SPAG16: variants seen among roughly 807,000 people sequenced by gnomAD.
SPAG16 encodes sperm-associated antigen 16 protein.
A neutral mutation model predicts 80.4 loss-of-function variants in SPAG16; 86 were observed. The ratio of observed to expected loss-of-function variants is 1.07; its 90% CI spans 0.90 to 1.28. SPAG16 has a LOEUF of 1.28. Ranked by LOEUF, SPAG16 falls within the 50% of genes most tolerant of loss-of-function variation. SPAG16 has a pLI of 0.00. For synonymous variants in SPAG16, 294 were observed against 265.9 expected (o/e 1.11, Z -1.03); for missense variants, 870 against 765.3 (o/e 1.14, Z -1.61).
At position 214,383,671 on chromosome 2, in the gene SPAG16, G is replaced by A. The variant is rs556947983; in HGVS notation, c.1721-26469G>A. Among the ~76,000 whole-genome samples the A allele has an allele frequency of 2.1e-4, 32 of 152,144 alleles. No individual in the cohort carries two copies. In the South Asian group the frequency reaches 5.6e-3, roughly 27 times the overall value. On this transcript the variant is annotated intron_variant, in intron 15 of 15. Coordinates refer to ENST00000331683, the MANE Select transcript of SPAG16 (RefSeq NM_024532.5). ...AGGTGTTTAGAGGAAAGACCATTCC[G>A]GCCAGACAGAATCTAACTTGTTAAG...
intron 10 of SPAG16, among the ~76,000 whole-genome samples, chr2:213,651,978 G>A (rs1021423244): frequency 2.0e-5 from 3 of 152,024 alleles, no homozygotes; most frequent in East Asian, 1.9e-4. Context: ...TTAGTCTTAC[G>A]TGCATGTAAT....
intron 10 of SPAG16, among the ~76,000 whole-genome samples, chr2:213,832,496 TAGAAAGTAC>T (rs1345858468): frequency 4.6e-5 from 7 of 152,098 alleles, no homozygotes; most frequent in African/African-American, 1.2e-4. Context: ...CTATGGGTCA[TAGAAAGTAC>T]AGTCCCTCTC....
At chr2:213,931,118 A>T (rs1210207146) in intron 12 of SPAG16, among the ~76,000 whole-genome samples, 1 of 152,052 alleles carries the variant, frequency 6.6e-6, no homozygotes, top group Non-Finnish European at 1.5e-5. Flanking sequence ...TTAGTTACTT[A>T]GTTAGCAACT....
At chr2:213,979,458 A>T (rs969727885) in intron 12 of SPAG16, among the ~76,000 whole-genome samples, 1 of 152,064 alleles carries the variant, frequency 6.6e-6, no homozygotes, top group Non-Finnish European at 1.5e-5. Flanking sequence ...ACAGTTCTGC[A>T]TTGCTGGGGA....
At chr2:213,911,778 A>G (rs1310078283) in intron 11 of SPAG16, among the ~76,000 whole-genome samples, 1 of 150,700 alleles carries the variant, frequency 6.6e-6, no homozygotes, top group Non-Finnish European at 1.5e-5. Context: ...ATGAAATTAC[A>G]GTTAAATTAG....
chr2:213,409,730 G>A (rs1303027381), intron 9 of SPAG16, among the ~76,000 whole-genome samples: 1 of 152,050 alleles, frequency 6.6e-6, no homozygotes, highest in Non-Finnish European at 1.5e-5. Context: ...CATACAAGAA[G>A]CATTATCAAA....
chr2:214,013,974 A>G lies in SPAG16; in HGVS notation c.1424A>G (p.Tyr475Cys), dbSNP rs752623191. The G allele has an allele frequency of 1.2e-6, 2 of 1,604,060 alleles. No homozygotes were observed. Among genetic ancestry groups the G allele is most frequent in the South Asian group, 1.1e-5 (1 of 90,940 alleles). ...AGTGAAAGATGCAGATGTACTTTGT[A>G]TGGACATACAGATTCTGTGAACAGC... is the stretch of plus-strand genomic sequence containing the variant. ...VNSERCRCTL[Y>C]GHTDSVNSIE... The change falls in exon 13 of 16, where the codon TAT becomes TGT. Residue 475 changes from tyrosine to cysteine, a missense_variant. Transcript: ENST00000331683.
At chr2:214,338,272 T>C (rs971450716) in intron 15 of SPAG16, among the ~76,000 whole-genome samples, 2 of 152,122 alleles carry the variant, frequency 1.3e-5, no homozygotes, top group Non-Finnish European at 2.9e-5. Flanking sequence ...TCCCAGCACT[T>C]TGGGAGGCTG....
chr2:214,125,912 A>G (rs563084768), intron 14 of SPAG16, among the ~76,000 whole-genome samples: 1 of 151,770 alleles, frequency 6.6e-6, no homozygotes, highest in Admixed American at 6.7e-5. Context: ...AATCACGTAG[A>G]AATGTGATTG....
chr2:213,448,425 G>A (rs903036689), intron 9 of SPAG16, among the ~76,000 whole-genome samples: 1 of 152,166 alleles, frequency 6.6e-6, no homozygotes, highest in Non-Finnish European at 1.5e-5. Flanking sequence ...AGTCTTTCTG[G>A]ACTAAACCCC....
intron 15 of SPAG16, among the ~76,000 whole-genome samples, chr2:214,337,820 A>G (rs911420533): frequency 6.6e-6 from 1 of 152,176 alleles, no homozygotes; most frequent in Non-Finnish European, 1.5e-5. Flanking sequence ...TCTGTCTTTT[A>G]TCTTCTTTTT....
intron 15 of SPAG16, among the ~76,000 whole-genome samples, chr2:214,270,018 T>C (rs1356739844): frequency 1.3e-5 from 2 of 152,196 alleles, no homozygotes; most frequent in African/African-American, 4.8e-5. Context: ...AGGTCCGTTA[T>C]TATCAATATG....
chr2:214,135,632 G>T (rs1401733712), intron 14 of SPAG16, among the ~76,000 whole-genome samples: 1 of 152,060 alleles, frequency 6.6e-6, no homozygotes, highest in African/African-American at 2.4e-5. Context: ...TGAGGGAGGG[G>T]ATGAGTGAGT....
chr2:213,482,155 C>T (rs556447403), intron 9 of SPAG16, among the ~76,000 whole-genome samples: 6 of 152,342 alleles, frequency 3.9e-5, no homozygotes, highest in African/African-American at 1.2e-4. Flanking sequence ...AAGGGAGCTT[C>T]GCTCATCATA....
chr2:213,669,286 A>G (rs544997402), intron 10 of SPAG16, among the ~76,000 whole-genome samples: 2 of 152,336 alleles, frequency 1.3e-5, no homozygotes, highest in East Asian at 3.9e-4. Flanking sequence ...TACCAAAGTT[A>G]CATGGCTATT....
At chr2:213,986,445 T>C (rs994855053) in intron 12 of SPAG16, among the ~76,000 whole-genome samples, 3 of 152,056 alleles carry the variant, frequency 2.0e-5, no homozygotes, top group Non-Finnish European at 4.4e-5. Context: ...ATAATTATTC[T>C]AAGGGGCTGT....
At chr2:213,575,957 T>G (rs974424837) in intron 10 of SPAG16, among the ~76,000 whole-genome samples, 6 of 152,172 alleles carry the variant, frequency 3.9e-5, no homozygotes, top group South Asian at 2.1e-4. Context: ...TTCTTTTGCT[T>G]TTTGTTTGGA....
At chr2:213,764,822 C>T (rs556088626) in intron 10 of SPAG16, among the ~76,000 whole-genome samples, 3 of 152,008 alleles carry the variant, frequency 2.0e-5, no homozygotes, top group South Asian at 4.2e-4. Flanking sequence ...TAATTCATTG[C>T]CATCTTGAAA....
chr2:213,705,180 G>A (rs1341196957), intron 10 of SPAG16, among the ~76,000 whole-genome samples: 4 of 151,996 alleles, frequency 2.6e-5, no homozygotes, highest in Admixed American at 6.6e-5. Context: ...CCTGGGAGGC[G>A]GAGCTTGCAG....
Sources: allele counts gnomAD v4.1 joint callset (sites outside exome capture counted in the v4.1 genomes callset), GRCh38; gene constraint gnomAD v4.1.1; transcripts MANE v1.5; gene names NCBI Gene and HGNC (gene_info 2026-07-23, HGNC 2026-07-21).